Variants in LUZP2 observed in about 807,000 individuals in gnomAD.
LUZP2 encodes leucine zipper protein 2.
In LUZP2, 52 loss-of-function variants were observed where a neutral mutation model predicts 51.6. The observed-to-expected ratio is 1.01, with a 90% CI of 0.81 to 1.27. The LOEUF (loss-of-function observed/expected upper bound fraction) is 1.27, where lower values mean the gene tolerates loss of function less well. Among genes scored for constraint, LUZP2 ranks in the 50% most tolerant of loss-of-function variants. The pLI, the probability that LUZP2 is intolerant of heterozygous loss-of-function variation, is 0.00. For missense variants in LUZP2, 436 were observed against 395.4 expected (o/e 1.10, Z -0.87); for synonymous variants, 154 against 137.3 (o/e 1.12, Z -0.85).
chr11:24,783,945 C>T (rs1849166741), intron 5 of LUZP2, among the ~76,000 whole-genome samples: 1 of 151,834 alleles, frequency 6.6e-6, no homozygotes, highest in Non-Finnish European at 1.5e-5. Flanking sequence ...AAAGGTGACA[C>T]CTATTTGGGT....
intron 9 of LUZP2, among the ~76,000 whole-genome samples, chr11:25,003,858 A>C (rs1856761923): frequency 6.6e-6 from 1 of 152,168 alleles, no homozygotes; most frequent in Admixed American, 6.6e-5. Context: ...ATCTGTCCCT[A>C]ATAAAGGTGT....
At chr11:24,544,845 T>C (rs1851489545) in intron 1 of LUZP2, among the ~76,000 whole-genome samples, 2 of 152,064 alleles carry the variant, frequency 1.3e-5, no homozygotes, top group Admixed American at 1.3e-4. Flanking sequence ...GTTTTTTAGG[T>C]CTTTAAGGAA....
rs185604671 is a variant in LUZP2, at chr11:24,993,231, G to C, written c.765+9938G>C. Among the ~76,000 whole-genome samples the C allele has an allele frequency of 2.3e-3, 343 of 152,142 alleles. 1 individual carries two copies. The highest frequency in any genetic ancestry group is 7.9e-3 in the African/African-American group (330 of 41,522). The stretch of plus-strand genomic sequence containing the variant: ...TGACTGATCTGGCCTGAAAACTTAG[G>C]TGATATATAATGGGAGAAAATCAAT... On this transcript the variant is annotated intron_variant, in intron 9 of 11. Transcript: ENST00000336930.
intron 1 of LUZP2, among the ~76,000 whole-genome samples, chr11:24,710,093 C>T (rs1461786378): frequency 6.6e-6 from 1 of 152,074 alleles, no homozygotes; most frequent in Non-Finnish European, 1.5e-5. Flanking sequence ...ACCCACTTAA[C>T]ATTTTAATAA....
chr11:24,972,793 A>G (rs1211479793), intron 7 of LUZP2, among the ~76,000 whole-genome samples: 1 of 152,080 alleles, frequency 6.6e-6, no homozygotes. Context: ...ATTGTGGTGG[A>G]TAACCTTTTT....
chr11:24,924,106 T>A (rs1446437430), intron 7 of LUZP2, among the ~76,000 whole-genome samples: 2 of 141,122 alleles, frequency 1.4e-5, no homozygotes, highest in Non-Finnish European at 3.0e-5. Flanking sequence ...TGAGACGGAG[T>A]CTCATTTTGT....
At chr11:24,718,442 G>A (rs748105554) in intron 1 of LUZP2, among the ~76,000 whole-genome samples, 1 of 152,176 alleles carries the variant, frequency 6.6e-6, no homozygotes, top group African/African-American at 2.4e-5. Flanking sequence ...GTGGGAATTT[G>A]GAGTGTCTGT....
chr11:24,560,822 A>G (rs1852015627), intron 1 of LUZP2, among the ~76,000 whole-genome samples: 1 of 152,196 alleles, frequency 6.6e-6, no homozygotes, highest in Admixed American at 6.6e-5. Context: ...GTTAAGCTGG[A>G]GAGATCAAGA....
At chr11:24,793,686 T>C (rs1849467383) in intron 5 of LUZP2, among the ~76,000 whole-genome samples, 1 of 152,148 alleles carries the variant, frequency 6.6e-6, no homozygotes, top group Admixed American at 6.6e-5. Flanking sequence ...AGTCTTGCCT[T>C]ATAAGACAAG....
At chr11:24,651,086 G>A (rs533069251) in intron 1 of LUZP2, among the ~76,000 whole-genome samples, 1 of 151,936 alleles carries the variant, frequency 6.6e-6, no homozygotes, top group African/African-American at 2.4e-5. Context: ...TTCCTTTCCT[G>A]TTCTGCTTTC....
rs574624064 is a variant in LUZP2, at chr11:24,868,087, A to T, written c.397-37904A>T. On this transcript the variant is annotated intron_variant, in intron 5 of 11. Transcript: ENST00000336930. ...AAGCATTTCTTATTGTACCCTTCCT[A>T]CACCTCTCAGACCACTGAAGAAAAC... Among the ~76,000 whole-genome samples the T allele has an allele frequency of 5.9e-5, 9 of 152,196 alleles. No individual in the cohort carries two copies. In the South Asian group the frequency reaches 1.7e-3, roughly 28 times the overall value.
At chr11:24,796,456 A>G (rs1181523700) in intron 5 of LUZP2, among the ~76,000 whole-genome samples, 1 of 151,220 alleles carries the variant, frequency 6.6e-6, no homozygotes, top group Admixed American at 6.6e-5. Flanking sequence ...AAAGTCATAT[A>G]AACTACAACT....
chr11:24,933,236 T>A (rs1407113749), intron 7 of LUZP2, among the ~76,000 whole-genome samples: 2 of 152,172 alleles, frequency 1.3e-5, no homozygotes, highest in South Asian at 4.1e-4. Context: ...CTCTTTGCTT[T>A]CCTGTTAGTT....
chr11:24,919,836 T>C (rs1590730970), intron 7 of LUZP2, among the ~76,000 whole-genome samples: 1 of 151,068 alleles, frequency 6.6e-6, no homozygotes, highest in Non-Finnish European at 1.5e-5. Flanking sequence ...AGAAATACAA[T>C]AGTTTACTCT....
rs917146150 is a variant in LUZP2 at position 24,501,044 on chromosome 11, C to T, written c.62+3739C>T. On this transcript the variant is annotated intron_variant, in intron 1 of 11. Coordinates refer to ENST00000336930, the MANE Select transcript of LUZP2 (RefSeq NM_001009909.4). ...GATGCAAGAAGCAGTCTCACCTTAA[C>T]TCTCCTGAAATATTTTGAGGCAACA... Among the ~76,000 whole-genome samples, 6 of 152,196 alleles carry T rather than the reference C, an allele frequency of 3.9e-5. 1 individual carries two copies. The highest frequency in any genetic ancestry group is 3.9e-4 in the Admixed American group (6 of 15,288).
chr11:24,959,231 G>T (rs984164235), intron 7 of LUZP2, among the ~76,000 whole-genome samples: 1 of 151,956 alleles, frequency 6.6e-6, no homozygotes, highest in Admixed American at 6.6e-5. Flanking sequence ...TTGACTTGGC[G>T]ATGCGGGCTC....
At chr11:24,899,401 C>T (rs78808852) in intron 5 of LUZP2, among the ~76,000 whole-genome samples, 8 of 150,976 alleles carry the variant, frequency 5.3e-5, no homozygotes, top group Non-Finnish European at 8.8e-5. Flanking sequence ...ATACTAGACT[C>T]TAGAAAAACA....
intron 1 of LUZP2, among the ~76,000 whole-genome samples, chr11:24,517,496 A>AC (rs1850509090): frequency 6.7e-6 from 1 of 149,916 alleles, no homozygotes; most frequent in East Asian, 1.9e-4. Context: ...AAAAAAAAAA[A>AC]AAAAAAAAAA....
chr11:24,889,700 T>C (rs1363268052), intron 5 of LUZP2, among the ~76,000 whole-genome samples: 3 of 152,150 alleles, frequency 2.0e-5, no homozygotes, highest in African/African-American at 7.2e-5. Flanking sequence ...TAATTAATTA[T>C]CCCCAAATTC....
Sources: gnomAD v4.1 joint callset for allele counts (sites outside exome capture counted in the v4.1 genomes callset) on GRCh38, gnomAD v4.1.1 for gene constraint, MANE v1.5 for transcripts, NCBI Gene and HGNC (gene_info 2026-07-23, HGNC 2026-07-21) for gene names.